RBM26: variants seen among roughly 807,000 people sequenced by gnomAD.
The protein encoded by RBM26 is RNA-binding protein 26.
Under a neutral mutation model 123.6 loss-of-function variants are expected in RBM26, and 30 were observed. The observed-to-expected ratio is 0.24, with a 90% confidence interval of 0.18 to 0.33. RBM26 has a LOEUF of 0.33. RBM26 is among the 10% of genes least tolerant of loss of function. The pLI is 1.00. For missense variants in RBM26, 947 were observed against 1,203.6 expected, an observed-to-expected ratio of 0.79 and a Z score of 3.15; for synonymous variants, 400 against 404.4, an observed-to-expected ratio of 0.99 and a Z score of 0.13.
chr13:79,353,860 C>CAAGA (rs1230468989), intron 13 of RBM26, among the ~76,000 whole-genome samples: 1 of 151,990 alleles, frequency 6.6e-6, no homozygotes, highest in Non-Finnish European at 1.5e-5. Flanking sequence ...AATGTAGAAA[C>CAAGA]AAGAAACTGC....
intron 1 of RBM26, among the ~76,000 whole-genome samples, chr13:79,381,070 TACTA>T (rs892992859): frequency 1.6e-4 from 24 of 152,230 alleles, no homozygotes; most frequent in Non-Finnish European, 2.9e-4. Context: ...ACTCAACAAT[TACTA>T]ACACTTACTC....
intron 3 of RBM26, among the ~76,000 whole-genome samples, chr13:79,375,096 T>TTATGTATCATATAAATATATATTTA (rs2076548801): frequency 9.4e-5 from 9 of 95,294 alleles, no homozygotes; most frequent in Non-Finnish European, 4.2e-5. Flanking sequence ...AAATATATAT[T>TTATGTATCATATAAATATATATTTA]TATATATATC....
chr13:79,391,810 A>G (rs2078020784), intron 1 of RBM26, among the ~76,000 whole-genome samples: 1 of 151,840 alleles, frequency 6.6e-6, no homozygotes, highest in Non-Finnish European at 1.5e-5. Flanking sequence ...AGATCATATC[A>G]CAATTTCCCT....
chr13:79,381,525 TGTG>T (rs2077069929), intron 1 of RBM26, among the ~76,000 whole-genome samples: 1 of 152,078 alleles, frequency 6.6e-6, no homozygotes, highest in South Asian at 2.1e-4. Flanking sequence ...GTTTGATTGT[TGTG>T]GTGAATTTTT....
At chr13:79,400,859 T>C (rs938484836) in intron 1 of RBM26, among the ~76,000 whole-genome samples, 5 of 152,150 alleles carry the variant, frequency 3.3e-5, no homozygotes, top group African/African-American at 1.2e-4. Context: ...AACGAAGAAA[T>C]TCTATTCCAA....
In RBM26 at chr13:79,319,657, A is replaced by G; in HGVS notation, c.*964T>C. The G allele has an allele frequency of 2.0e-6, 2 of 984,338 alleles. No individual in the cohort carries two copies. The highest frequency in any genetic ancestry group is 2.4e-6 in the Non-Finnish European group (2 of 829,154). 61.0% of individuals were successfully genotyped at this position (984,338 alleles called of 1,614,324 possible). A position where few individuals can be genotyped will look rare whatever the true frequency, so the allele number is the denominator to read the frequency against. ...GATGTTTTCTTATTCACCAAATGTTAGCTCTACTTGCAGTCTGGTTCCAAA... is the reference window on the plus strand; with the variant it reads ...GATGTTTTCTTATTCACCAAATGTTGGCTCTACTTGCAGTCTGGTTCCAAA... On this transcript the variant is annotated 3_prime_UTR_variant, in exon 22 of 22. Coordinates refer to ENST00000438737, the MANE Select transcript of RBM26 (RefSeq NM_001366735.2).
At chr13:79,405,641 G>A (rs1215970139) in intron 1 of RBM26, 63 bp downstream of exon 1, 3 of 1,232,322 alleles carry the variant, frequency 2.4e-6, no homozygotes, top group Admixed American at 1.9e-5. Context: ...AAACTGCACA[G>A]ATCTCTGGGT....
At chr13:79,322,249 A>G (rs1566282785) in intron 21 of RBM26, 100 bp downstream of exon 21, 1 of 708,694 alleles carries the variant, frequency 1.4e-6, no homozygotes, top group Non-Finnish European at 2.2e-6. Flanking sequence ...ATGGGTCAGG[A>G]ATAAAAGTTT....
intron 1 of RBM26, among the ~76,000 whole-genome samples, chr13:79,388,972 T>C (rs1162818896): frequency 6.6e-6 from 1 of 152,236 alleles, no homozygotes; most frequent in African/African-American, 2.4e-5. Flanking sequence ...GGCTGAAGTA[T>C]ATATTAATGC....
chr13:79,358,492 A>G (rs1402789992), intron 10 of RBM26, 59 bp from the exon 11 acceptor site: 30 of 1,311,246 alleles, frequency 2.3e-5, no homozygotes, highest in African/African-American at 3.0e-5. Flanking sequence ...AACCAAATAC[A>G]AGGGAATAAA....
At chr13:79,326,782 A>T (rs1055017491) in intron 20 of RBM26, among the ~76,000 whole-genome samples, 4 of 152,152 alleles carry the variant, frequency 2.6e-5, no homozygotes, top group Non-Finnish European at 5.9e-5. Context: ...ACCTGACAAA[A>T]ATATCCCTCC....
intron 18 of RBM26, among the ~76,000 whole-genome samples, chr13:79,339,739 A>T (rs1339819484): frequency 1.3e-5 from 2 of 152,138 alleles, no homozygotes; most frequent in Admixed American, 6.5e-5. Context: ...CAGAAATTAA[A>T]AGCCTCTAAG....
At chr13:79,402,891 C>G (rs996261727) in intron 1 of RBM26, among the ~76,000 whole-genome samples, 7 of 151,308 alleles carry the variant, frequency 4.6e-5, no homozygotes, top group African/African-American at 1.7e-4. Flanking sequence ...CTGCTTAGCA[C>G]AGAGTAGGTT....
At position 79,344,066 on chromosome 13, in the gene RBM26, TTAAAGTA is replaced by T. The variant is rs2071880418; in HGVS notation, c.2259+175_2259+181del. 2.0e-5 allele frequency among the ~76,000 whole-genome samples: 3 copies of T among 152,034 alleles called. No individual in the cohort carries two copies. The South Asian group carries it at 6.2e-4, about 31-fold the overall frequency. On this transcript the variant is annotated intron_variant, in intron 16 of 21. Transcript: ENST00000438737. ...TTCATGTTGATAACTATAGTACCAG[TTAAAGTA>T]TAAAGTATACCCACCATCTGATGTA...
In RBM26 at chr13:79,344,701, C is replaced by G. The variant is rs746883596; in HGVS notation, c.2152G>C (p.Val718Leu). 1 of 1,612,974 alleles carries G rather than the reference C, an allele frequency of 6.2e-7. No homozygotes were observed. The highest frequency in any genetic ancestry group is 1.1e-5 in the South Asian group (1 of 91,024). The change falls in exon 15 of 22, where the codon GTT becomes CTT. Residue 718 changes from valine to leucine, a missense_variant. By Grantham distance (32) the Val-to-Leu change is conservative. Coordinates refer to ENST00000438737, the MANE Select transcript of RBM26 (RefSeq NM_001366735.2). ...QKTLLVSTSA[V>L]DNNEAQKKKQ... The stretch of plus-strand genomic sequence containing the variant: ...TTTTTCTGTGCTTCATTATTATCAA[C>G]TGCAGAGGTGGAAACAAGTAAGGTT...
Position 79,400,760 on chromosome 13 carries a change from G to A in RBM26, c.71+4944C>T, listed in dbSNP as rs572088505. ...TGGCATCAACACTGATGTTATACAC[G>A]CATAGGGCAAAAAATATAAAACTTC... On this transcript the variant is annotated intron_variant, in intron 1 of 21. Coordinates refer to ENST00000438737, the MANE Select transcript of RBM26 (RefSeq NM_001366735.2). Among the ~76,000 whole-genome samples the A allele has an allele frequency of 4.6e-5, 7 of 152,244 alleles. No individual in the cohort carries two copies. The South Asian group carries it at 1.5e-3, about 32-fold the overall frequency.
intron 1 of RBM26, among the ~76,000 whole-genome samples, chr13:79,381,329 C>T (rs536161274): frequency 6.6e-6 from 1 of 152,124 alleles, no homozygotes; most frequent in Non-Finnish European, 1.5e-5. Context: ...ACTTTTTAAA[C>T]ACCTAGAGTT....
chr13:79,340,264 C>G (rs1363024228), intron 18 of RBM26, among the ~76,000 whole-genome samples: 1 of 151,892 alleles, frequency 6.6e-6, no homozygotes, highest in Non-Finnish European at 1.5e-5. Flanking sequence ...CATCCTATGG[C>G]TTCCTATGAC....
rs2067416907 is a variant in RBM26, at chr13:79,319,203, G to T, written c.*1418C>A. The T allele has an allele frequency of 1.0e-6, 1 of 984,622 alleles. No individual in the cohort carries two copies. The highest frequency in any genetic ancestry group is 1.2e-6 in the Non-Finnish European group (1 of 829,400). The allele number at this position is 984,622 out of a possible 1,614,324, so 61.0% of individuals were successfully genotyped here. Reference sequence around the variant, plus strand: ...ACTCCACTGGCAGAAGACTATGGTGGTGGTGGAACAACAGCTTTTGATTGT... The same window carrying T: ...ACTCCACTGGCAGAAGACTATGGTGTTGGTGGAACAACAGCTTTTGATTGT... On this transcript the variant is annotated 3_prime_UTR_variant, in exon 22 of 22. Transcript: ENST00000438737.
Sources: gnomAD v4.1 joint callset for allele counts (sites outside exome capture counted in the v4.1 genomes callset) on GRCh38, gnomAD v4.1.1 for gene constraint, MANE v1.5 for transcripts, NCBI Gene and HGNC (gene_info 2026-07-23, HGNC 2026-07-21) for gene names.